The following ARSB variants were observed in gnomAD, a reference collection of about 807,000 sequenced individuals.
The protein encoded by ARSB is arylsulfatase B.
A neutral mutation model predicts 50.9 loss-of-function variants in ARSB; 41 were observed. That is an observed-to-expected ratio of 0.81 (90% confidence interval 0.63 to 1.04). The LOEUF (loss-of-function observed/expected upper bound fraction) is 1.04. ARSB is among the 50% of genes least tolerant of loss of function. The pLI is 0.00. For synonymous variants in ARSB, 269 were observed against 284.8 expected, an observed-to-expected ratio of 0.94 and a Z score of 0.56; for missense variants, 672 against 693.3, an observed-to-expected ratio of 0.97 and a Z score of 0.35.
intron 4 of ARSB, among the ~76,000 whole-genome samples, chr5:78,930,381 C>G (rs1357266728): frequency 2.6e-5 from 4 of 151,910 alleles, no homozygotes; most frequent in African/African-American, 9.7e-5. Context: ...TACAACAATC[C>G]TCATTTTTTA....
chr5:78,898,732 C>G (rs1748679577), intron 4 of ARSB, among the ~76,000 whole-genome samples: 2 of 152,118 alleles, frequency 1.3e-5, no homozygotes, highest in African/African-American at 4.8e-5. Context: ...GTTCCATTTC[C>G]TTGCCTTTCT....
chr5:78,788,132 G>A (rs960380438), intron 6 of ARSB, among the ~76,000 whole-genome samples: 2 of 152,198 alleles, frequency 1.3e-5, no homozygotes, highest in Non-Finnish European at 2.9e-5. Flanking sequence ...AGTTAAGAGA[G>A]AAGTATAAAC....
At position 78,985,212 on chromosome 5, in the gene ARSB, G is replaced by C. The variant is rs1753130377; in HGVS notation, c.37C>G (p.Pro13Ala). The change falls in exon 1 of 8, where the codon CCC (proline) becomes GCC (alanine). Residue 13 changes from proline (P) to alanine (A), a missense_variant. By Grantham distance (27) the Pro-to-Ala change is conservative (BLOSUM62 -1). Coordinates refer to ENST00000264914, the MANE Select transcript of ARSB (RefSeq NM_000046.5). The part of the protein sequence containing the change: ...PRGAASLPRG[P>A]GPRRLLLPVV... ...GGGAGGAGCAGCCGCCGAGGTCCGG[G>C]GCCTCGGGGCAAGCTCGCCGCGCCG... 7.4e-7 allele frequency: 1 copy of C among 1,357,996 alleles called. No homozygotes were observed. The highest frequency in any genetic ancestry group is 9.4e-7 in the Non-Finnish European group (1 of 1,060,300). The allele number at this position is 1,357,996 out of a possible 1,614,324, so 84.1% of individuals were successfully genotyped here. A position where few individuals can be genotyped will look rare whatever the true frequency, so the allele number is the denominator to read the frequency against.
chr5:78,830,322 C>T (rs1404208044), intron 6 of ARSB, among the ~76,000 whole-genome samples: 1 of 152,196 alleles, frequency 6.6e-6, no homozygotes, highest in Non-Finnish European at 1.5e-5. Flanking sequence ...GGTGAGGCAG[C>T]TGGCCCTTCA....
intron 4 of ARSB, among the ~76,000 whole-genome samples, chr5:78,898,450 A>G (rs1315282854): frequency 1.3e-5 from 2 of 152,258 alleles, no homozygotes; most frequent in Non-Finnish European, 2.9e-5. Context: ...TGACACCAAA[A>G]TGAAACAAAG....
chr5:78,896,117 T>G (rs964746735), intron 4 of ARSB, among the ~76,000 whole-genome samples: 2 of 152,178 alleles, frequency 1.3e-5, no homozygotes, highest in East Asian at 3.9e-4. Context: ...GCTCAGAGGC[T>G]TCTCACACCA....
At chr5:78,858,922 A>G (rs1259521464) in intron 5 of ARSB, among the ~76,000 whole-genome samples, 5 of 152,234 alleles carry the variant, frequency 3.3e-5, no homozygotes, top group Non-Finnish European at 7.3e-5. Flanking sequence ...TATTTGTTAC[A>G]TTTGTTACAG....
In ARSB at chr5:78,779,913, A is replaced by C. The variant is rs1204223287; in HGVS notation, c.*484T>G. 4 of 195,880 alleles carry C rather than the reference A, an allele frequency of 2.0e-5. No individual in the cohort carries two copies. Among genetic ancestry groups the C allele is most frequent in the Non-Finnish European group, 4.2e-5 (4 of 94,872 alleles). 12.1% of individuals were successfully genotyped at this position (195,880 alleles called of 1,614,324 possible). ...AGGGGTGAACCAAGAGGGGTGGTTC[A>C]CTTGGAGTGCCTGAACATGATCCTT... is the stretch of plus-strand genomic sequence containing the variant. On this transcript the variant is annotated 3_prime_UTR_variant, in exon 8 of 8. Transcript: ENST00000264914.
At chr5:78,838,010 C>T (rs1030340809) in intron 6 of ARSB, among the ~76,000 whole-genome samples, 4 of 152,216 alleles carry the variant, frequency 2.6e-5, no homozygotes, top group African/African-American at 9.7e-5. Flanking sequence ...TGCATCTCAA[C>T]TCTCCAATTG....
At chr5:78,825,673 A>G (rs1266974053) in intron 6 of ARSB, among the ~76,000 whole-genome samples, 1 of 152,240 alleles carries the variant, frequency 6.6e-6, no homozygotes, top group Non-Finnish European at 1.5e-5. Flanking sequence ...GTAGTACTTA[A>G]GCTGACTTTC....
chr5:78,853,618 A>T (rs1300466035), intron 5 of ARSB, among the ~76,000 whole-genome samples: 1 of 152,190 alleles, frequency 6.6e-6, no homozygotes, highest in Non-Finnish European at 1.5e-5. Flanking sequence ...AAGTCTGCAG[A>T]TGTTACTGAT....
At chr5:78,897,740 A>G (rs1271064455) in intron 4 of ARSB, among the ~76,000 whole-genome samples, 1 of 151,786 alleles carries the variant, frequency 6.6e-6, no homozygotes, top group Non-Finnish European at 1.5e-5. Context: ...TAATATGTGG[A>G]CTCTCATAAT....
At chr5:78,867,753 G>A (rs145629185) in intron 5 of ARSB, among the ~76,000 whole-genome samples, 20,690 of 151,588 alleles carry the variant, frequency 0.14, 1,493 homozygotes, top group Middle Eastern at 0.2. Flanking sequence ...AACGCAGAGC[G>A]CCTCTCCTCC....
chr5:78,923,570 G>A (rs916568868), intron 4 of ARSB, among the ~76,000 whole-genome samples: 1 of 152,218 alleles, frequency 6.6e-6, no homozygotes, highest in Non-Finnish European at 1.5e-5. Flanking sequence ...TGTGGCTTTT[G>A]CTTTAACTAT....
chr5:78,867,143 C>T (rs1227531059), intron 5 of ARSB, among the ~76,000 whole-genome samples: 1 of 152,212 alleles, frequency 6.6e-6, no homozygotes. Flanking sequence ...GAGACTATAT[C>T]CCACACCTGG....
At chr5:78,859,112 G>T (rs1283189829) in intron 5 of ARSB, among the ~76,000 whole-genome samples, 1 of 152,114 alleles carries the variant, frequency 6.6e-6, no homozygotes, top group East Asian at 1.9e-4. Flanking sequence ...GTGTGTATGG[G>T]GGGCAGGTGA....
At chr5:78,944,853 T>C (rs974711202) in intron 4 of ARSB, among the ~76,000 whole-genome samples, 7 of 152,210 alleles carry the variant, frequency 4.6e-5, no homozygotes, top group Non-Finnish European at 8.8e-5. Context: ...TGCCTTTTGT[T>C]CAGCTATGCC....
chr5:78,922,361 C>T (rs1183324989), intron 4 of ARSB, among the ~76,000 whole-genome samples: 2 of 152,044 alleles, frequency 1.3e-5, no homozygotes, highest in Non-Finnish European at 1.5e-5. Flanking sequence ...CCAGCTCAGC[C>T]ACAGCAGGAT....
intron 6 of ARSB, among the ~76,000 whole-genome samples, chr5:78,790,841 A>G (rs1749216449): frequency 6.6e-6 from 1 of 152,216 alleles, no homozygotes; most frequent in Admixed American, 6.5e-5. Flanking sequence ...AAAAACAACC[A>G]AAGTCACTTC....
Sources: allele counts gnomAD v4.1 joint callset (sites outside exome capture counted in the v4.1 genomes callset), GRCh38; gene constraint gnomAD v4.1.1; transcripts MANE v1.5; gene names NCBI Gene and HGNC (gene_info 2026-07-23, HGNC 2026-07-21).